SRGAP1: variants seen among roughly 807,000 people sequenced by gnomAD.
SRGAP1 encodes the protein SLIT-ROBO Rho GTPase activating protein 1.
A neutral mutation model predicts 121.9 loss-of-function variants in SRGAP1; 43 were observed. The ratio of observed to expected loss-of-function variants is 0.35; its 90% confidence interval spans 0.28 to 0.46. SRGAP1 has a LOEUF of 0.46. Ranked by LOEUF, SRGAP1 falls within the 20% of genes least tolerant of loss-of-function variation. The pLI is 1.00. For missense variants in SRGAP1, 1,102 were observed against 1,350.9 expected (o/e 0.82, Z 2.89); for synonymous variants, 447 against 485.4 (o/e 0.92, Z 1.04).
chr12:63,977,525 T>C (rs2033125623), intron 1 of SRGAP1, among the ~76,000 whole-genome samples: 1 of 152,204 alleles, frequency 6.6e-6, no homozygotes, highest in Non-Finnish European at 1.5e-5. Context: ...ATGTATCAGT[T>C]TGTGGCTTCA....
At chr12:63,977,602 G>A (rs12315032) in intron 1 of SRGAP1, among the ~76,000 whole-genome samples, 1 of 151,510 alleles carries the variant, frequency 6.6e-6, no homozygotes, top group East Asian at 1.9e-4. Context: ...CCTTCATTTC[G>A]TCTGTTTCTA....
At chr12:64,031,087 G>A (rs1179504901) in intron 4 of SRGAP1, among the ~76,000 whole-genome samples, 2 of 152,112 alleles carry the variant, frequency 1.3e-5, no homozygotes, top group Non-Finnish European at 2.9e-5. Context: ...GGAGGCCAAG[G>A]TGGGTGGATC....
chr12:64,016,681 C>T (rs2034410409), intron 3 of SRGAP1, among the ~76,000 whole-genome samples: 1 of 152,132 alleles, frequency 6.6e-6, no homozygotes, highest in Non-Finnish European at 1.5e-5. Flanking sequence ...GACGCTTCAA[C>T]CTGCTTACTT....
At chr12:64,044,788 C>A (rs2035094894) in intron 6 of SRGAP1, among the ~76,000 whole-genome samples, 1 of 146,114 alleles carries the variant, frequency 6.8e-6, no homozygotes, top group Non-Finnish European at 1.5e-5. Flanking sequence ...TCAAGCGATT[C>A]TTTTGCCTCA....
At chr12:63,861,639 C>T (rs2136267199) in intron 1 of SRGAP1, among the ~76,000 whole-genome samples, 1 of 152,134 alleles carries the variant, frequency 6.6e-6, no homozygotes, top group South Asian at 2.1e-4. Flanking sequence ...TCTTTCAGCT[C>T]TGTGTATTTT....
At chr12:63,904,652 T>C (rs528509646) in intron 1 of SRGAP1, among the ~76,000 whole-genome samples, 128 of 152,256 alleles carry the variant, frequency 8.4e-4, no homozygotes, top group Non-Finnish European at 1.4e-3. Context: ...AGAGTATGGC[T>C]GGGTGCAGTG....
At chr12:64,027,277 A>G (rs774317811) in intron 4 of SRGAP1, among the ~76,000 whole-genome samples, 1 of 152,122 alleles carries the variant, frequency 6.6e-6, no homozygotes, top group African/African-American at 2.4e-5. Flanking sequence ...GAGGCAGTCT[A>G]TGCTCTTAGC....
intron 1 of SRGAP1, among the ~76,000 whole-genome samples, chr12:63,919,519 T>TAC (rs943791019): frequency 6.7e-6 from 1 of 148,300 alleles, no homozygotes; most frequent in African/African-American, 2.6e-5. Flanking sequence ...TATATATATA[T>TAC]ATACACATAC....
chr12:63,883,759 C>T (rs1361371352), intron 1 of SRGAP1, among the ~76,000 whole-genome samples: 1 of 151,124 alleles, frequency 6.6e-6, no homozygotes, highest in African/African-American at 2.4e-5. Context: ...CCCGGGTTCA[C>T]GCCATTCTCC....
At chr12:64,083,531 C>T (rs2035885640) in intron 10 of SRGAP1, among the ~76,000 whole-genome samples, 1 of 152,092 alleles carries the variant, frequency 6.6e-6, no homozygotes, top group Non-Finnish European at 1.5e-5. Context: ...TCTTTGAAAA[C>T]TACTGAAATA....
chr12:63,956,875 C>T (rs981925110), intron 1 of SRGAP1, among the ~76,000 whole-genome samples: 1 of 152,120 alleles, frequency 6.6e-6, no homozygotes, highest in African/African-American at 2.4e-5. Flanking sequence ...CCAAAAGAAA[C>T]AACACACCCA....
In SRGAP1 at chr12:63,990,326, G is replaced by A. The variant is rs186470932; in HGVS notation, c.426+254G>A. Among the ~76,000 whole-genome samples the A allele has an allele frequency of 6.4e-3, 981 of 152,294 alleles. 9 individuals carry two copies. Among genetic ancestry groups the A allele is most frequent in the African/African-American group, 0.019 (794 of 41,564 alleles). On this transcript the variant is annotated intron_variant, in intron 3 of 21. Coordinates refer to ENST00000355086, the MANE Select transcript of SRGAP1 (RefSeq NM_020762.4). The stretch of plus-strand genomic sequence containing the variant: ...AGGCGGGTGGATCACGAGGCCAAGA[G>A]ATCGAGACCATCCTGGCCAACATAG...
At chr12:63,924,790 G>A (rs561637905) in intron 1 of SRGAP1, among the ~76,000 whole-genome samples, 1 of 152,306 alleles carries the variant, frequency 6.6e-6, no homozygotes, top group South Asian at 2.1e-4. Flanking sequence ...CAGCCTGTGA[G>A]GATGTGAAAT....
chr12:63,890,433 C>T (rs976799266), intron 1 of SRGAP1, among the ~76,000 whole-genome samples: 2 of 152,120 alleles, frequency 1.3e-5, no homozygotes, highest in African/African-American at 4.8e-5. Context: ...GTTTTGCTTC[C>T]ACAGTGGAGG....
Position 64,142,348 on chromosome 12 carries a change from A to G in SRGAP1, c.2934A>G (p.Arg978=). ...TALNELRELE[R]QSTAKHAPDV... ...TGAATGAACTCCGAGAACTGGAGAG[A>G]CAGAGCACAGCAAAGCATGCCCCTG... The change falls in exon 22 of 22, where the codon AGA becomes AGG. Residue 978 remains arginine, a synonymous_variant. Coordinates refer to ENST00000355086, the MANE Select transcript of SRGAP1 (RefSeq NM_020762.4). 2 of 1,614,120 alleles carry G rather than the reference A, an allele frequency of 1.2e-6. No homozygotes were observed. Among genetic ancestry groups the G allele is most frequent in the Non-Finnish European group, 1.7e-6 (2 of 1,180,020 alleles).
intron 6 of SRGAP1, among the ~76,000 whole-genome samples, chr12:64,055,218 C>T (rs1179948049): frequency 3.3e-4 from 48 of 146,406 alleles, no homozygotes; most frequent in African/African-American, 1.2e-3. Flanking sequence ...AACAGACAAA[C>T]AGAGAGCCAA....
At chr12:64,101,400 C>T (rs980654804) in intron 15 of SRGAP1, among the ~76,000 whole-genome samples, 5 of 150,728 alleles carry the variant, frequency 3.3e-5, no homozygotes, top group Admixed American at 6.6e-5. Flanking sequence ...TGAGTGACCA[C>T]GTTCTTTGGA....
intron 4 of SRGAP1, 97 bp from the exon 5 acceptor site, chr12:64,042,693 G>A: frequency 1.2e-6 from 1 of 809,684 alleles, no homozygotes; most frequent in Non-Finnish European, 1.9e-6. Flanking sequence ...CCATTTGGAA[G>A]GTGGTATGTG....
chr12:63,923,432 GA>G (rs2031142656), intron 1 of SRGAP1, among the ~76,000 whole-genome samples: 1 of 152,124 alleles, frequency 6.6e-6, no homozygotes. Flanking sequence ...GGGTGATTAG[GA>G]TAAGGAAATC....
Sources: gnomAD v4.1 joint callset for allele counts (sites outside exome capture counted in the v4.1 genomes callset) on GRCh38, gnomAD v4.1.1 for gene constraint, MANE v1.5 for transcripts, NCBI Gene and HGNC (gene_info 2026-07-23, HGNC 2026-07-21) for gene names.